Variants in LARP1B observed in about 807,000 individuals in gnomAD.
The protein encoded by LARP1B is La ribonucleoprotein 1B.
A neutral mutation model predicts 114.2 loss-of-function variants in LARP1B; 76 were observed. That is an observed-to-expected ratio of 0.67 (90% CI 0.55 to 0.81). The LOEUF (loss-of-function observed/expected upper bound fraction) is 0.81. Ranked by LOEUF, LARP1B falls within the 30% of genes least tolerant of loss-of-function variation. The probability of loss-of-function intolerance (pLI) is 0.00; values close to 1 mark genes in which losing one functional copy is unlikely to be tolerated. For synonymous variants in LARP1B, 345 were observed against 348.0 expected, an observed-to-expected ratio of 0.99 and a Z score of 0.10; for missense variants, 1,014 against 1,075.8, an observed-to-expected ratio of 0.94 and a Z score of 0.80.
At chr4:128,097,886 T>A (rs1383191068) in intron 7 of LARP1B, among the ~76,000 whole-genome samples, 1 of 152,164 alleles carries the variant, frequency 6.6e-6, no homozygotes, top group Non-Finnish European at 1.5e-5. Context: ...AAAAAAATTA[T>A]TGAACTATTT....
intron 7 of LARP1B, 75 bp from the exon 8 acceptor site, chr4:128,098,111 A>G: frequency 8.5e-7 from 1 of 1,170,234 alleles, no homozygotes; most frequent in Non-Finnish European, 1.2e-6. Context: ...ATTGGTTTTC[A>G]CAGTTAATGT....
intron 11 of LARP1B, chr4:128,123,580 T>G: frequency 5.2e-6 from 2 of 383,004 alleles, no homozygotes; most frequent in Non-Finnish European, 7.2e-6. Flanking sequence ...GTAATACCAA[T>G]GACAATAGGA....
chr4:128,166,898 A>G (rs543608150), intron 12 of LARP1B, among the ~76,000 whole-genome samples: 1 of 140,864 alleles, frequency 7.1e-6, no homozygotes, highest in East Asian at 2.1e-4. Context: ...AAATGGCAGG[A>G]TCTCCTTTTT....
Position 128,091,128 on chromosome 4 carries a change from C to T in LARP1B, c.486C>T (p.Gly162=), listed in dbSNP as rs151207924. The T allele has an allele frequency of 5.8e-5, 93 of 1,611,830 alleles. No individual in the cohort carries two copies. In the Middle Eastern group the frequency reaches 1.2e-3, roughly 20 times the overall value. The change falls in exon 6 of 20, where the codon GGC becomes GGT. Residue 162 remains glycine, a synonymous_variant. Coordinates refer to ENST00000326639, the MANE Select transcript of LARP1B (RefSeq NM_018078.4). ...GRGRGRGRGR[G]RGNPRLNFDY... ...GCCGAGGACGGGGAAGAGGACGAGG[C>T]AGAGGAAATCCTCGATGTATGACAT...
rs368146580 is a variant in LARP1B at position 128,187,828 on chromosome 4, C to T, written c.2003+8316C>T. On this transcript the variant is annotated intron_variant, in intron 15 of 19. Coordinates refer to ENST00000326639, the MANE Select transcript of LARP1B (RefSeq NM_018078.4). ...ACCGGGGCAGTTTCTCATGGTTTAACACCATCTGCCTTGGAGTTGTCATTG... is the reference window on the plus strand; with the variant it reads ...ACCGGGGCAGTTTCTCATGGTTTAATACCATCTGCCTTGGAGTTGTCATTG... Among the ~76,000 whole-genome samples the T allele has an allele frequency of 3.3e-5, 5 of 152,312 alleles. No individual in the cohort carries two copies. The East Asian group carries it at 9.7e-4, about 29-fold the overall frequency.
At chr4:128,190,119 G>C (rs1003269555) in intron 15 of LARP1B, among the ~76,000 whole-genome samples, 3 of 152,184 alleles carry the variant, frequency 2.0e-5, no homozygotes, top group Admixed American at 2.0e-4. Context: ...GTCTAGTAGT[G>C]ATGAATTCCC....
rs1166895824 is a variant in LARP1B at position 128,098,276 on chromosome 4, T to G, written c.759T>G (p.Ile253Met). 2 of 1,614,070 alleles carry G rather than the reference T, an allele frequency of 1.2e-6. No individual in the cohort carries two copies. Among genetic ancestry groups the G allele is most frequent in the African/African-American group, 1.3e-5 (1 of 75,062 alleles). The change falls in exon 8 of 20, where the codon ATT (isoleucine) becomes ATG (methionine). Residue 253 changes from isoleucine (I) to methionine (M), a missense_variant. Ile to Met is a conservative substitution (Grantham distance 10). Transcript: ENST00000326639. ...DEQGFLPISL[I>M]AGFQRVQALT... ...AAGGTTTCTTGCCTATTTCCCTGAT[T>G]GCTGGTTTTCAGCGTGTTCAGGCTC...
intron 9 of LARP1B, chr4:128,108,691 A>T (rs1327079716): frequency 4.1e-6 from 4 of 983,700 alleles, no homozygotes; most frequent in Non-Finnish European, 4.8e-6. Flanking sequence ...ATAATGGGTG[A>T]TTATATAAGT....
Position 128,122,213 on chromosome 4 carries a change from T to C in LARP1B, c.1524+25T>C, listed in dbSNP as rs757043396. On this transcript the variant is annotated intron_variant, in intron 11 of 19. Coordinates refer to ENST00000326639, the MANE Select transcript of LARP1B (RefSeq NM_018078.4). ...GGTAATTGTTTCTGGCCAACATCTT[T>C]CTACTGATGCTTTGTTTTGATTGTA... 5.6e-6 allele frequency: 9 copies of C among 1,607,514 alleles called. No individual in the cohort carries two copies. In the South Asian group the frequency reaches 6.7e-5, roughly 12 times the overall value.
chr4:128,104,800 TG>T (rs1229293163), intron 8 of LARP1B, among the ~76,000 whole-genome samples: 1 of 152,206 alleles, frequency 6.6e-6, no homozygotes, highest in Non-Finnish European at 1.5e-5. Flanking sequence ...CTTTCCACTT[TG>T]GGTCTTTGAT....
intron 15 of LARP1B, among the ~76,000 whole-genome samples, chr4:128,187,219 C>G (rs115957981): frequency 8.6e-4 from 131 of 152,318 alleles, no homozygotes; most frequent in African/African-American, 3.0e-3. Context: ...GGTAGATCCA[C>G]TAGCAGCCTG....
intron 11 of LARP1B, among the ~76,000 whole-genome samples, chr4:128,161,206 G>A (rs1730687300): frequency 6.6e-6 from 1 of 152,114 alleles, no homozygotes. Context: ...TGGTTCACCT[G>A]GGTGAACCAT....
chr4:128,136,165 C>A (rs996447217), intron 11 of LARP1B, among the ~76,000 whole-genome samples: 7 of 151,558 alleles, frequency 4.6e-5, no homozygotes, highest in African/African-American at 1.7e-4. Context: ...TGGTGGTGCA[C>A]GCCTGTAATC....
chr4:128,086,999 AG>A (rs1678045697), intron 5 of LARP1B, among the ~76,000 whole-genome samples: 1 of 151,892 alleles, frequency 6.6e-6, no homozygotes, highest in African/African-American at 2.4e-5. Flanking sequence ...CTTGAGACAG[AG>A]TCTCGCACTA....
chr4:128,129,610 C>G (rs1166996493), intron 11 of LARP1B, among the ~76,000 whole-genome samples: 1 of 152,100 alleles, frequency 6.6e-6, no homozygotes, highest in Non-Finnish European at 1.5e-5. Flanking sequence ...GAAGACGACA[C>G]TACCTGACTT....
At chr4:128,205,757 C>G (rs1444522099) in intron 17 of LARP1B, among the ~76,000 whole-genome samples, 1 of 152,030 alleles carries the variant, frequency 6.6e-6, no homozygotes, top group Admixed American at 6.6e-5. Flanking sequence ...TACAAAGATA[C>G]CATTATAAAT....
chr4:128,121,751 G>A, intron 10 of LARP1B, 75 bp from the exon 11 acceptor site: 1 of 1,078,656 alleles, frequency 9.3e-7, no homozygotes, highest in Non-Finnish European at 1.3e-6. Flanking sequence ...TTACTTACTT[G>A]TAACACTGTT....
In LARP1B at chr4:128,108,002, C is replaced by T. The variant is rs183285406; in HGVS notation, c.988+689C>T. ...ACAAATCCTGCTGCAAAAATGAAAG[C>T]GATCAGACTGTCTTCTGTTCAAGAA... On this transcript the variant is annotated intron_variant, in intron 9 of 19. Coordinates refer to ENST00000326639, the MANE Select transcript of LARP1B (RefSeq NM_018078.4). 1.8e-4 allele frequency: 273 copies of T among 1,527,138 alleles called. 2 individuals are homozygous for T. In the African/African-American group the frequency reaches 3.1e-3, roughly 17 times the overall value. 94.6% of individuals were successfully genotyped at this position (1,527,138 alleles called of 1,614,324 possible).
chr4:128,089,515 T>C (rs916978611), intron 5 of LARP1B, among the ~76,000 whole-genome samples: 1 of 152,046 alleles, frequency 6.6e-6, no homozygotes, highest in Non-Finnish European at 1.5e-5. Flanking sequence ...TTTGTATTTT[T>C]AGTAGAGATG....
Sources: gnomAD v4.1 joint callset for allele counts (sites outside exome capture counted in the v4.1 genomes callset) on GRCh38, gnomAD v4.1.1 for gene constraint, MANE v1.5 for transcripts, NCBI Gene and HGNC (gene_info 2026-07-23, HGNC 2026-07-21) for gene names.